ATG7: variants seen among roughly 807,000 people sequenced by gnomAD.
ATG7 encodes the protein ubiquitin-like modifier-activating enzyme ATG7.
Under a neutral mutation model 82.4 loss-of-function variants are expected in ATG7, and 70 were observed. That is an observed-to-expected ratio of 0.85 (90% CI 0.70 to 1.04). ATG7 has a LOEUF of 1.04. ATG7 is among the 50% of genes least tolerant of loss of function. The pLI is 0.00. For missense variants in ATG7, 792 were observed against 864.3 expected (o/e 0.92, Z 1.05); for synonymous variants, 287 against 313.0 (o/e 0.92, Z 0.88).
chr3:11,345,104 T>G (rs1313149883), intron 13 of ATG7, among the ~76,000 whole-genome samples: 1 of 151,910 alleles, frequency 6.6e-6, no homozygotes, highest in Non-Finnish European at 1.5e-5. Context: ...CTGGGCCTGA[T>G]GCATTTAAGA....
intron 19 of ATG7, among the ~76,000 whole-genome samples, chr3:11,403,335 CTTTTTT>C (rs59538035): frequency 2.1e-5 from 3 of 144,862 alleles, no homozygotes; most frequent in Admixed American, 1.4e-4. Flanking sequence ...CAAGGGTTTT[CTTTTTT>C]TTTTTTAATC....
At chr3:11,481,651 T>A (rs1017969113) in intron 20 of ATG7, among the ~76,000 whole-genome samples, 11 of 152,220 alleles carry the variant, frequency 7.2e-5, no homozygotes, top group African/African-American at 2.7e-4. Flanking sequence ...GCCTTGGACT[T>A]AATGTCAGCA....
In ATG7 at chr3:11,556,756, A is replaced by ATGG. The variant is rs1379367319; in HGVS notation, c.*1915_*1917dup. ...TACATTCTTTACGCACAGCGTAACG[A>ATGG]TGGTCTCAAAATCACCCATATAGAA... On this transcript the variant is annotated 3_prime_UTR_variant, in exon 21 of 21. Coordinates refer to ENST00000693202, the MANE Select transcript of ATG7 (RefSeq NM_001349232.2). 1 of 152,676 alleles carries ATGG rather than the reference A, an allele frequency of 6.5e-6. No individual in the cohort carries two copies. Among genetic ancestry groups the ATGG allele is most frequent in the Non-Finnish European group, 1.5e-5 (1 of 68,046 alleles). The allele number at this position is 152,676 out of a possible 1,614,324, so 9.5% of individuals were successfully genotyped here.
chr3:11,553,185 C>T lies in ATG7; in HGVS notation c.2080-1626C>T, dbSNP rs2071991191. 2.0e-5 allele frequency among the ~76,000 whole-genome samples: 3 copies of T among 152,220 alleles called. No individual in the cohort carries two copies. The South Asian group carries it at 6.2e-4, about 31-fold the overall frequency. ...GCAGCCCGCCCCGCCCTTTTCCACA[C>T]ACCCCTGGTTCCCAGCACTGAAGCT... is the stretch of plus-strand genomic sequence containing the variant. On this transcript the variant is annotated intron_variant, in intron 20 of 20. Transcript: ENST00000693202.
intron 9 of ATG7, among the ~76,000 whole-genome samples, chr3:11,328,219 C>A (rs947448135): frequency 6.6e-6 from 1 of 152,158 alleles, no homozygotes; most frequent in African/African-American, 2.4e-5. Flanking sequence ...AGTATCAGCT[C>A]ATTTAATCCT....
intron 20 of ATG7, among the ~76,000 whole-genome samples, chr3:11,512,960 T>C (rs529183356): frequency 6.6e-6 from 1 of 152,248 alleles, no homozygotes; most frequent in East Asian, 1.9e-4. Flanking sequence ...ATTAGCTAGA[T>C]ACAGAGTGTG....
chr3:11,413,434 C>T (rs1359322122), intron 19 of ATG7, among the ~76,000 whole-genome samples: 6 of 152,088 alleles, frequency 3.9e-5, no homozygotes, highest in African/African-American at 9.7e-5. Flanking sequence ...GCTTCCCCCC[C>T]GCCCCACTTT....
intron 20 of ATG7, among the ~76,000 whole-genome samples, chr3:11,520,694 A>G (rs960555216): frequency 9.2e-5 from 14 of 152,228 alleles, no homozygotes; most frequent in Non-Finnish European, 2.1e-4. Context: ...CATTATGGCC[A>G]CCTGACAAGC....
intron 20 of ATG7, among the ~76,000 whole-genome samples, chr3:11,535,384 C>T (rs1382436599): frequency 6.6e-6 from 1 of 152,214 alleles, no homozygotes; most frequent in Admixed American, 6.5e-5. Context: ...GTGCCCAAGT[C>T]CCTGTGGAGG....
chr3:11,541,925 C>A (rs2070865440), intron 20 of ATG7, among the ~76,000 whole-genome samples: 1 of 152,254 alleles, frequency 6.6e-6, no homozygotes, highest in African/African-American at 2.4e-5. Flanking sequence ...ACATATAAAT[C>A]ATATCTTGAA....
the ATG7 span, among the ~76,000 whole-genome samples, chr3:11,575,153 G>A: frequency 6.6e-6 from 1 of 152,204 alleles, no homozygotes; most frequent in African/African-American, 2.4e-5. Flanking sequence ...GGCAGAGTAG[G>A]GACTTGGGTC....
At chr3:11,419,319 G>A (rs1033364263) in intron 19 of ATG7, among the ~76,000 whole-genome samples, 1 of 152,132 alleles carries the variant, frequency 6.6e-6, no homozygotes, top group Non-Finnish European at 1.5e-5. Flanking sequence ...TTGGGAGGCC[G>A]AGGTGGGTGG....
chr3:11,397,540 C>T (rs1195075321), intron 19 of ATG7, among the ~76,000 whole-genome samples: 4 of 151,950 alleles, frequency 2.6e-5, no homozygotes, highest in African/African-American at 9.7e-5. Context: ...TCACTGTAGC[C>T]TCCATCTCCC....
At chr3:11,424,259 A>G (rs1175984869) in intron 19 of ATG7, among the ~76,000 whole-genome samples, 2 of 152,144 alleles carry the variant, frequency 1.3e-5, no homozygotes, top group Non-Finnish European at 2.9e-5. Context: ...CCAACTAAAG[A>G]TTTTAGTATT....
chr3:11,370,979 G>C (rs2076959470), intron 18 of ATG7, among the ~76,000 whole-genome samples: 1 of 150,960 alleles, frequency 6.6e-6, no homozygotes, highest in South Asian at 2.1e-4. Flanking sequence ...CTTGGTAGCT[G>C]TGGACCCTTG....
At chr3:11,548,507 G>A (rs1442014522) in intron 20 of ATG7, among the ~76,000 whole-genome samples, 4 of 152,136 alleles carry the variant, frequency 2.6e-5, no homozygotes, top group African/African-American at 7.2e-5. Context: ...GAGCAGTCTC[G>A]CCTTCATCCC....
At chr3:11,551,263 C>T (rs2071752913) in intron 20 of ATG7, among the ~76,000 whole-genome samples, 1 of 152,244 alleles carries the variant, frequency 6.6e-6, no homozygotes, top group Admixed American at 6.5e-5. Flanking sequence ...TCTCACCGCT[C>T]TTCTGTTCGG....
chr3:11,570,729 T>C, the ATG7 span, among the ~76,000 whole-genome samples: 3 of 152,202 alleles, frequency 2.0e-5, no homozygotes, highest in African/African-American at 7.2e-5. Flanking sequence ...ATGTTGGGCA[T>C]AAACAGTGGT....
chr3:11,492,747 T>C (rs2090483714), intron 20 of ATG7, among the ~76,000 whole-genome samples: 1 of 152,140 alleles, frequency 6.6e-6, no homozygotes, highest in Non-Finnish European at 1.5e-5. Context: ...GACCAAACTC[T>C]TGTTTGCTCA....
Sources: gnomAD v4.1 joint callset for allele counts (sites outside exome capture counted in the v4.1 genomes callset) on GRCh38, gnomAD v4.1.1 for gene constraint, MANE v1.5 for transcripts, NCBI Gene and HGNC (gene_info 2026-07-23, HGNC 2026-07-21) for gene names.